Variants in GAD1 observed in about 807,000 individuals in gnomAD.
GAD1 encodes the protein glutamate decarboxylase 1.
In GAD1, 35 loss-of-function variants were observed where a neutral mutation model predicts 75.2. The ratio of observed to expected loss-of-function variants is 0.47; its 90% CI spans 0.36 to 0.62. GAD1 has a LOEUF of 0.62. GAD1 is among the 20% of genes least tolerant of loss of function. GAD1 has a pLI of 0.00. For missense variants in GAD1, 490 were observed against 758.5 expected (o/e 0.65, Z 4.16); for synonymous variants, 257 against 271.9 (o/e 0.95, Z 0.54).
In GAD1 at chr2:170,818,812, C is replaced by G. The variant is rs1234815111; in HGVS notation, c.82+139C>G. 5 of 822,996 alleles carry G rather than the reference C, an allele frequency of 6.1e-6. No homozygotes were observed. The highest frequency in any genetic ancestry group is 1.0e-5 in the Non-Finnish European group (5 of 490,410). 51.0% of individuals were successfully genotyped at this position (822,996 alleles called of 1,614,324 possible). ...TGGGAAATAAATGGGGCTCTGACCC[C>G]GTCCCTGCCAGAGGTCATTCGGCTG... On this transcript the variant is annotated intron_variant, in intron 2 of 16. Transcript: ENST00000358196. The surrounding 1 kb of genome is among the most constrained non-coding windows in gnomAD (Gnocchi z 5.9).
intron 6 of GAD1, among the ~76,000 whole-genome samples, chr2:170,838,483 A>C (rs916032725): frequency 6.6e-6 from 1 of 152,246 alleles, no homozygotes; most frequent in African/African-American, 2.4e-5. Flanking sequence ...TTTTTAACTC[A>C]ACCATTTGGA....
In GAD1 at chr2:170,849,309, C is replaced by T; in HGVS notation, c.1143C>T (p.Leu381=). ...AGGCTGCCTGGGGAGGTGGGCTGCT[C>T]ATGTCCAGGAAGCACCGCCATAAAC... is the stretch of plus-strand genomic sequence containing the variant. ...HVDAAWGGGL[L]MSRKHRHKLN... The change falls in exon 12 of 17, where the codon CTC becomes CTT. Residue 381 remains leucine (L), a synonymous_variant. Transcript: ENST00000358196. The T allele has an allele frequency of 6.2e-7, 1 of 1,614,056 alleles. No homozygotes were observed.
chr2:170,826,621 G>A (rs1000049650), intron 3 of GAD1, among the ~76,000 whole-genome samples: 1 of 151,150 alleles, frequency 6.6e-6, no homozygotes, highest in Non-Finnish European at 1.5e-5. Flanking sequence ...CCTCATGAGC[G>A]CATCTCTGGG....
At chr2:170,837,236 C>T (rs931636453) in intron 6 of GAD1, among the ~76,000 whole-genome samples, 1 of 152,176 alleles carries the variant, frequency 6.6e-6, no homozygotes, top group Non-Finnish European at 1.5e-5. Flanking sequence ...GCACATTGGT[C>T]CTTATCATTT....
intron 5 of GAD1, among the ~76,000 whole-genome samples, chr2:170,831,470 T>C (rs1702221355): frequency 6.6e-6 from 1 of 151,774 alleles, no homozygotes; most frequent in South Asian, 2.1e-4. Context: ...GAGTTTTCAT[T>C]CTGGCCAAGC....
At chr2:170,858,672 T>A in intron 15 of GAD1, 132 bp from the exon 16 acceptor site, 1 of 772,610 alleles carries the variant, frequency 1.3e-6, no homozygotes, top group South Asian at 1.5e-5. Flanking sequence ...GGAAGTAACA[T>A]TGCCTTTGAG....
chr2:170,824,160 C>A (rs945831646), intron 3 of GAD1, among the ~76,000 whole-genome samples: 2 of 152,222 alleles, frequency 1.3e-5, no homozygotes, highest in Admixed American at 1.3e-4. Context: ...TCCCCACAAC[C>A]CATGGTAGTC....
rs1224711637 is a variant in GAD1 at position 170,849,276 on chromosome 2, G to C, written c.1120-10G>C. On this transcript the variant is annotated splice_polypyrimidine_tract_variant and intron_variant, in intron 11 of 16. Coordinates refer to ENST00000358196, the MANE Select transcript of GAD1 (RefSeq NM_000817.3). ...GCTCCCCTCTTCCTCTCCTTTCTCT[G>C]TCCCCACAGGCTGCCTGGGGAGGTG... 1 of 1,613,544 alleles carries C rather than the reference G, an allele frequency of 6.2e-7. No homozygotes were observed. The highest frequency in any genetic ancestry group is 2.2e-5 in the East Asian group (1 of 44,874).
Position 170,849,303 on chromosome 2 carries a change from G to A in GAD1, c.1137G>A (p.Gly379=). Residue 379 remains glycine (G), a synonymous_variant, in exon 12 of 17, where the codon GGG becomes GGA. Coordinates refer to ENST00000358196, the MANE Select transcript of GAD1 (RefSeq NM_000817.3). The stretch of plus-strand genomic sequence containing the variant: ...CCCCACAGGCTGCCTGGGGAGGTGG[G>A]CTGCTCATGTCCAGGAAGCACCGCC... The part of the protein sequence containing the change: ...WLHVDAAWGG[G]LLMSRKHRHK... 3.7e-6 allele frequency: 6 copies of A among 1,614,018 alleles called. No homozygotes were observed. The highest frequency in any genetic ancestry group is 5.1e-6 in the Non-Finnish European group (6 of 1,180,004).
At chr2:170,842,856 T>A (rs1575440209) in intron 6 of GAD1, 3 of 790,616 alleles carry the variant, frequency 3.8e-6, no homozygotes, top group African/African-American at 3.5e-5. Context: ...TAGCTTCACC[T>A]GTGTCTTATG....
rs1007819845 is a variant in GAD1, at chr2:170,853,203, CAG to C, written c.1263+413_1263+414del. The stretch of plus-strand genomic sequence containing the variant: ...GTCCCAAGAACTGAAATAAATGAGA[CAG>C]AACAACAACTACAAATATCAACTTA... On this transcript the variant is annotated intron_variant, in intron 13 of 16. Transcript: ENST00000358196. This position sits in a 1 kb window ranked among gnomAD's most constrained non-coding sequence, Gnocchi z 4.1. 8.8e-5 allele frequency: 22 copies of C among 250,400 alleles called. No homozygotes were observed. Among genetic ancestry groups the C allele is most frequent in the African/African-American group, 4.9e-4 (22 of 45,200 alleles). 15.5% of individuals were successfully genotyped at this position (250,400 alleles called of 1,614,324 possible).
chr2:170,832,298 T>G (rs549323300), intron 5 of GAD1, among the ~76,000 whole-genome samples: 1 of 152,298 alleles, frequency 6.6e-6, no homozygotes, highest in African/African-American at 2.4e-5. Flanking sequence ...ACCCTTGTCT[T>G]TACCAGCTTC....
intron 1 of GAD1, chr2:170,817,702 C>T (rs1271575171): frequency 6.6e-6 from 1 of 152,360 alleles, no homozygotes; most frequent in East Asian, 1.9e-4. Context: ...CGGTGACGTT[C>T]CCCATGCTTA....
In GAD1 at chr2:170,822,292, A is replaced by T. The variant is rs1267528737; in HGVS notation, c.145+143A>T. ...GTAATTACAGCCAGGACAGCCAGCG[A>T]CCACGCTCCCCTACAGGCCCTGACC... On this transcript the variant is annotated intron_variant, in intron 3 of 16. Coordinates refer to ENST00000358196, the MANE Select transcript of GAD1 (RefSeq NM_000817.3). 2.1e-5 allele frequency: 16 copies of T among 757,038 alleles called. No homozygotes were observed. The Admixed American group carries it at 3.3e-4, about 16-fold the overall frequency. 46.9% of individuals were successfully genotyped at this position (757,038 alleles called of 1,614,324 possible). A position where few individuals can be genotyped will look rare whatever the true frequency, so the allele number is the denominator to read the frequency against.
intron 6 of GAD1, among the ~76,000 whole-genome samples, chr2:170,840,940 T>G (rs1702503171): frequency 6.6e-6 from 1 of 152,202 alleles, no homozygotes; most frequent in Non-Finnish European, 1.5e-5. Context: ...ACAGTCAATT[T>G]GCCTTCGCTC....
At chr2:170,840,372 G>A (rs970679199) in intron 6 of GAD1, among the ~76,000 whole-genome samples, 3 of 152,170 alleles carry the variant, frequency 2.0e-5, no homozygotes, top group Non-Finnish European at 4.4e-5. Flanking sequence ...AGGTGAAGAT[G>A]TACTACCTGC....
At position 170,828,694 on chromosome 2, in the gene GAD1, TCCTCTGTTGTCCACACCCTTCTC is replaced by T. The variant is rs1416493172; in HGVS notation, c.146-774_146-752del. Among the ~76,000 whole-genome samples the T allele has an allele frequency of 1.1e-4, 8 of 73,192 alleles. No individual in the cohort carries two copies. In the East Asian group the frequency reaches 3.8e-3, roughly 35 times the overall value. The allele number at this position is 73,192 out of a possible 152,430, so 48.0% of individuals were successfully genotyped here. On this transcript the variant is annotated intron_variant, in intron 3 of 16. Coordinates refer to ENST00000358196, the MANE Select transcript of GAD1 (RefSeq NM_000817.3). ...TCCTCCCCTGTTGTCCTCACCCTCC[TCCTCTGTTGTCCACACCCTTCTC>T]CCTCTGCTGTCCTCACCCTCCTCCC...
chr2:170,828,067 G>GTCCTCACCC (rs1471643567), intron 3 of GAD1, among the ~76,000 whole-genome samples: 1 of 29,898 alleles, frequency 3.3e-5, no homozygotes, highest in East Asian at 5.9e-4. Flanking sequence ...TCCTTCTGCT[G>GTCCTCACCC]TCCTCCCTCT....
At chr2:170,845,052 T>G (rs896881535) in intron 7 of GAD1, among the ~76,000 whole-genome samples, 8 of 152,200 alleles carry the variant, frequency 5.3e-5, no homozygotes, top group African/African-American at 1.9e-4. Flanking sequence ...CCTAGGCAGG[T>G]AACCAAGAAA....
Sources: allele counts gnomAD v4.1 joint callset (sites outside exome capture counted in the v4.1 genomes callset), GRCh38; gene constraint gnomAD v4.1.1; non-coding constraint Gnocchi (gnomAD v3.1); transcripts MANE v1.5; gene names NCBI Gene and HGNC (gene_info 2026-07-23, HGNC 2026-07-21).